The following RABGAP1 variants were observed in gnomAD, a reference collection of about 807,000 sequenced individuals.
RABGAP1 encodes the protein rab GTPase-activating protein 1.
In RABGAP1, 23 loss-of-function variants were observed where a neutral mutation model predicts 137.6. That is an observed-to-expected ratio of 0.17 (90% CI 0.12 to 0.24). The LOEUF (loss-of-function observed/expected upper bound fraction) is 0.24, where lower values mean the gene tolerates loss of function less well. RABGAP1 is among the 10% of genes least tolerant of loss of function. The probability of loss-of-function intolerance (pLI) is 1.00; values close to 1 mark genes in which losing one functional copy is unlikely to be tolerated. For synonymous variants in RABGAP1, 451 were observed against 450.7 expected (o/e 1.00, Z -0.01); for missense variants, 906 against 1,275.8 (o/e 0.71, Z 4.42).
intron 1 of RABGAP1, among the ~76,000 whole-genome samples, chr9:122,955,783 A>G (rs958950632): frequency 2.6e-5 from 4 of 152,234 alleles, no homozygotes; most frequent in Non-Finnish European, 5.9e-5. Context: ...CACATGGTGT[A>G]TGCTCCATAA....
At chr9:123,047,939 T>TGAGACGGAG (rs2033287391) in intron 13 of RABGAP1, among the ~76,000 whole-genome samples, 1 of 126,406 alleles carries the variant, frequency 7.9e-6, no homozygotes, top group South Asian at 2.8e-4. Flanking sequence ...TTTTTTTTTT[T>TGAGACGGAG]TTTTTTTTTT....
At chr9:123,051,847 A>G (rs1315851891) in intron 13 of RABGAP1, among the ~76,000 whole-genome samples, 1 of 151,148 alleles carries the variant, frequency 6.6e-6, no homozygotes, top group Non-Finnish European at 1.5e-5. Context: ...GATGGAGTGC[A>G]GTGGCGCAGT....
intron 13 of RABGAP1, among the ~76,000 whole-genome samples, chr9:123,028,482 G>A (rs755333386): frequency 6.6e-6 from 1 of 152,182 alleles, no homozygotes; most frequent in African/African-American, 2.4e-5. Context: ...GTTCTAAAAG[G>A]TCTCTTGCTC....
intron 1 of RABGAP1, among the ~76,000 whole-genome samples, chr9:122,948,714 G>A (rs1834067603): frequency 6.6e-6 from 1 of 152,104 alleles, no homozygotes; most frequent in South Asian, 2.1e-4. Context: ...GGAACCCAAG[G>A]TATATTTTTT....
intron 1 of RABGAP1, among the ~76,000 whole-genome samples, chr9:122,942,442 C>T (rs1304861996): frequency 2.6e-5 from 4 of 151,970 alleles, no homozygotes; most frequent in East Asian, 3.9e-4. Flanking sequence ...GAGGTTGAGG[C>T]GGGTGGATCA....
intron 13 of RABGAP1, among the ~76,000 whole-genome samples, chr9:123,043,095 CTA>C (rs944021575): frequency 1.1e-4 from 17 of 152,100 alleles, no homozygotes; most frequent in African/African-American, 4.1e-4. Flanking sequence ...TGAGGGTAAA[CTA>C]AACTCATTTT....
At chr9:122,950,073 C>T (rs1834147838) in intron 1 of RABGAP1, among the ~76,000 whole-genome samples, 1 of 152,210 alleles carries the variant, frequency 6.6e-6, no homozygotes, top group East Asian at 1.9e-4. Context: ...ATTGTATTTT[C>T]AGTCAGGAGC....
At chr9:123,062,810 G>C (rs2034029240) in intron 13 of RABGAP1, 1 of 151,590 alleles carries the variant, frequency 6.6e-6, no homozygotes, top group Non-Finnish European at 1.5e-5. Context: ...TTTTAATTGA[G>C]ACAGGTCTCG....
chr9:123,061,146 C>T (rs982432247), intron 13 of RABGAP1, among the ~76,000 whole-genome samples: 4 of 152,154 alleles, frequency 2.6e-5, no homozygotes, highest in Non-Finnish European at 4.4e-5. Flanking sequence ...AAGACAGGCT[C>T]TCTCTCTTAC....
intron 3 of RABGAP1, among the ~76,000 whole-genome samples, chr9:122,985,324 TGACA>T (rs1337344932): frequency 2.6e-5 from 4 of 152,162 alleles, no homozygotes; most frequent in Non-Finnish European, 5.9e-5. Flanking sequence ...CTCAGAAAGA[TGACA>T]GTTAGGCCGG....
At chr9:122,971,938 G>A (rs189835394) in intron 2 of RABGAP1, 1 of 152,298 alleles carries the variant, frequency 6.6e-6, no homozygotes, top group Admixed American at 6.5e-5. Flanking sequence ...TAAATCATTG[G>A]CTTCAAAGAA....
intron 21 of RABGAP1, among the ~76,000 whole-genome samples, chr9:123,092,025 T>G (rs767046935): frequency 7.2e-5 from 11 of 152,056 alleles, no homozygotes; most frequent in Non-Finnish European, 1.5e-4. Flanking sequence ...CCATGGGTCA[T>G]GCAGAAAGGA....
intron 13 of RABGAP1, 32 bp from the exon 14 acceptor site, chr9:123,065,316 A>T: frequency 6.8e-7 from 1 of 1,481,112 alleles, no homozygotes; most frequent in Non-Finnish European, 9.4e-7. Context: ...GATTAACCTA[A>T]CTAAACCCTC....
chr9:122,957,574 G>A (rs922197520), intron 2 of RABGAP1, among the ~76,000 whole-genome samples: 2 of 151,016 alleles, frequency 1.3e-5, no homozygotes, highest in South Asian at 2.1e-4. Flanking sequence ...ATGAAAATGT[G>A]TTTTAGGATT....
intron 10 of RABGAP1, among the ~76,000 whole-genome samples, chr9:122,999,132 A>T (rs1346865891): frequency 6.6e-6 from 1 of 151,538 alleles, no homozygotes; most frequent in Non-Finnish European, 1.5e-5. Flanking sequence ...TTTTCTTTCA[A>T]GATGTCCTTC....
Position 123,051,241 on chromosome 9 carries a change from T to TGG in RABGAP1, c.1795-14107_1795-14106insGG, listed in dbSNP as rs1292142431. 6.3e-4 allele frequency among the ~76,000 whole-genome samples: 48 copies of TGG among 75,772 alleles called. 12 individuals are homozygous for TGG. In the East Asian group the frequency reaches 0.011, roughly 18 times the overall value. 49.7% of individuals were successfully genotyped at this position (75,772 alleles called of 152,430 possible). A position where few individuals can be genotyped will look rare whatever the true frequency, so the allele number is the denominator to read the frequency against. ...GTTTTTTTTTTTTTTTTTTTTTTTT[T>TGG]TTTTTTTTTTTTTTTTTTTTTTTGA... On this transcript the variant is annotated intron_variant, in intron 13 of 25. Transcript: ENST00000373647.
intron 20 of RABGAP1, 60 bp downstream of exon 20, chr9:123,089,910 G>A (rs189113643): frequency 5.7e-5 from 80 of 1,401,588 alleles, no homozygotes; most frequent in East Asian, 1.7e-4. Flanking sequence ...ATATGATTGC[G>A]CCTGTAACTA....
intron 21 of RABGAP1, among the ~76,000 whole-genome samples, chr9:123,091,850 A>G (rs1016031028): frequency 6.6e-6 from 1 of 152,038 alleles, no homozygotes; most frequent in Admixed American, 6.5e-5. Context: ...CTTACGGTGC[A>G]AATTCCCAGC....
intron 1 of RABGAP1, among the ~76,000 whole-genome samples, chr9:122,943,072 CTTTTTTTTTTTTTTTTTTTT>C (rs10582436): frequency 4.3e-5 from 5 of 116,226 alleles, no homozygotes; most frequent in Non-Finnish European, 6.5e-5. Flanking sequence ...GGTGCACTTT[CTTTTTTTTTTTTTTTTTTTT>C]TTTTTTTTTG....
Sources: allele counts gnomAD v4.1 joint callset (sites outside exome capture counted in the v4.1 genomes callset), GRCh38; gene constraint gnomAD v4.1.1; transcripts MANE v1.5; gene names NCBI Gene and HGNC (gene_info 2026-07-23, HGNC 2026-07-21).